MMP26: variants seen among roughly 807,000 people sequenced by gnomAD.
MMP26 encodes the protein matrix metallopeptidase 26, also known as matrix metalloproteinase-26.
MMP26 carries 33 observed loss-of-function variants against 31.0 expected under a neutral mutation model. The observed-to-expected ratio is 1.06, with a 90% CI of 0.81 to 1.42. The LOEUF (loss-of-function observed/expected upper bound fraction) is 1.42, where lower values mean the gene tolerates loss of function less well. Ranked by LOEUF, MMP26 falls within the 40% of genes most tolerant of loss-of-function variation. The pLI, the probability that MMP26 is intolerant of heterozygous loss-of-function variation, is 0.00. For synonymous variants in MMP26, 122 were observed against 114.9 expected (o/e 1.06, Z -0.40); for missense variants, 347 against 316.1 (o/e 1.10, Z -0.74).
intron 2 of MMP26, among the ~76,000 whole-genome samples, chr11:4,839,702 G>A (rs117892120): frequency 0.034 from 5,213 of 151,522 alleles, 134 homozygotes; most frequent in South Asian, 0.064. Context: ...CAGGTACTAC[G>A]TCAAGAGTCT....
At chr11:4,723,117 C>G in intron 1 of MMP26, 1 of 1,572,808 alleles carries the variant, frequency 6.4e-7, no homozygotes, top group Non-Finnish European at 8.7e-7. Context: ...AGGGCGGCCT[C>G]CAGCTCGGAC....
chr11:4,967,083 C>T (rs1169267667), intron 2 of MMP26, among the ~76,000 whole-genome samples: 1 of 152,154 alleles, frequency 6.6e-6, no homozygotes, highest in East Asian at 1.9e-4. Context: ...ACAAGTTGTC[C>T]AGCTTCAGCT....
intron 2 of MMP26, among the ~76,000 whole-genome samples, chr11:4,788,340 G>A (rs1848976738): frequency 6.6e-6 from 1 of 151,894 alleles, no homozygotes; most frequent in African/African-American, 2.4e-5. Context: ...CTCATGGCCT[G>A]TGACATGAGA....
intron 2 of MMP26, among the ~76,000 whole-genome samples, chr11:4,888,321 C>T (rs1040812605): frequency 2.0e-5 from 3 of 151,972 alleles, no homozygotes; most frequent in Non-Finnish European, 2.9e-5. Flanking sequence ...CTTTAGTTGG[C>T]TATTTTCTTT....
At chr11:4,705,972 G>GGGTGGTGGT (rs1173525508) in intron 1 of MMP26, among the ~76,000 whole-genome samples, 1 of 150,778 alleles carries the variant, frequency 6.6e-6, no homozygotes, top group East Asian at 2.0e-4. Context: ...TGGTGGGGGC[G>GGGTGGTGGT]GGTGGTGGTG....
intron 2 of MMP26, among the ~76,000 whole-genome samples, chr11:4,974,991 T>C (rs964323506): frequency 4.6e-5 from 7 of 151,850 alleles, no homozygotes; most frequent in African/African-American, 1.2e-4. Flanking sequence ...TTAGGAGAAA[T>C]AGCTAATGCA....
intron 1 of MMP26, among the ~76,000 whole-genome samples, chr11:4,717,101 C>T (rs772598697): frequency 9.2e-5 from 14 of 152,170 alleles, no homozygotes; most frequent in African/African-American, 2.7e-4. Flanking sequence ...AGCCTCTGCT[C>T]GACAATTCTT....
intron 2 of MMP26, among the ~76,000 whole-genome samples, chr11:4,772,892 C>T (rs1038502308): frequency 2.0e-4 from 31 of 152,128 alleles, no homozygotes; most frequent in Non-Finnish European, 2.9e-5. Flanking sequence ...TTCTACTCTG[C>T]TATTACTCCT....
intron 1 of MMP26, among the ~76,000 whole-genome samples, chr11:4,720,908 G>T (rs868629486): frequency 2.0e-5 from 3 of 152,096 alleles, no homozygotes; most frequent in Admixed American, 2.0e-4. Flanking sequence ...TCTTCTGAGG[G>T]GCATGATGAG....
In MMP26 at chr11:4,907,734, G is replaced by T. The variant is rs770538147; in HGVS notation, c.-144-80334G>T. 19 of 1,613,828 alleles carry T rather than the reference G, an allele frequency of 1.2e-5. 1 individual carries two copies. Among genetic ancestry groups the T allele is most frequent in the Middle Eastern group, 1.6e-4 (1 of 6,062 alleles). ...GTACTTCTAATTATGTCTTTGGACC[G>T]CTTTCTTGCCATTCACAATCCCTTA... is the stretch of plus-strand genomic sequence containing the variant. On this transcript the variant is annotated intron_variant, in intron 2 of 7. Transcript: ENST00000380390.
intron 2 of MMP26, among the ~76,000 whole-genome samples, chr11:4,906,573 G>A (rs1035995157): frequency 1.3e-5 from 2 of 152,092 alleles, no homozygotes; most frequent in African/African-American, 2.4e-5. Context: ...TTACTTTATA[G>A]CATCTAATGA....
chr11:4,765,263 C>T (rs557514019), intron 1 of MMP26, among the ~76,000 whole-genome samples: 1 of 152,170 alleles, frequency 6.6e-6, no homozygotes, highest in Non-Finnish European at 1.5e-5. Flanking sequence ...AGGTATAGAA[C>T]TCTGCTGACA....
At chr11:4,860,168 G>C (rs1026971386) in intron 2 of MMP26, 2 of 470,956 alleles carry the variant, frequency 4.2e-6, no homozygotes, top group African/African-American at 4.0e-5. Context: ...GAAACATAGT[G>C]TAATGGGTTT....
intron 2 of MMP26, among the ~76,000 whole-genome samples, chr11:4,773,471 A>G (rs928810708): frequency 3.9e-5 from 6 of 152,162 alleles, no homozygotes. Context: ...GCAACACTTC[A>G]TAAGCTTGGA....
At chr11:4,805,506 A>T (rs553476072) in intron 2 of MMP26, among the ~76,000 whole-genome samples, 23 of 152,256 alleles carry the variant, frequency 1.5e-4, no homozygotes, top group African/African-American at 5.3e-4. Flanking sequence ...ATGGGTTGCA[A>T]GCAGGTGTTG....
intron 1 of MMP26, among the ~76,000 whole-genome samples, chr11:4,755,310 T>C (rs1000169382): frequency 6.6e-6 from 1 of 151,998 alleles, no homozygotes; most frequent in Non-Finnish European, 1.5e-5. Flanking sequence ...TGGGAATGAT[T>C]AACTTCTCCG....
At chr11:4,990,834 CT>C (rs149656057) in intron 5 of MMP26, 88 bp downstream of exon 5, 6 of 1,379,418 alleles carry the variant, frequency 4.3e-6, no homozygotes, top group African/African-American at 4.3e-5. Context: ...CCTAGCCCCC[CT>C]ATTAAAGTTT....
At chr11:4,899,827 C>G (rs777177006) in intron 2 of MMP26, among the ~76,000 whole-genome samples, 1 of 152,052 alleles carries the variant, frequency 6.6e-6, no homozygotes, top group Non-Finnish European at 1.5e-5. Context: ...TTAAAAGATC[C>G]TCACAATGTC....
intron 2 of MMP26, among the ~76,000 whole-genome samples, chr11:4,776,058 A>T (rs1160136365): frequency 6.6e-6 from 1 of 152,064 alleles, no homozygotes; most frequent in Non-Finnish European, 1.5e-5. Flanking sequence ...ACTTGACTTT[A>T]TTTCTGAGTT....
Sources: allele counts gnomAD v4.1 joint callset (sites outside exome capture counted in the v4.1 genomes callset), GRCh38; gene constraint gnomAD v4.1.1; transcripts MANE v1.5; gene names NCBI Gene and HGNC (gene_info 2026-07-23, HGNC 2026-07-21).